The following C7orf78 variants were observed in gnomAD, a reference collection of about 807,000 sequenced individuals.
C7orf78 encodes chromosome 7 open reading frame 78.
the C7orf78 span, among the ~76,000 whole-genome samples, chr7:12,518,121 T>A: frequency 6.6e-6 from 1 of 152,186 alleles, no homozygotes; most frequent in African/African-American, 2.4e-5. Flanking sequence ...TCTATATGAT[T>A]TCTTTGCCTA....
chr7:12,537,216 G>A, the C7orf78 span, among the ~76,000 whole-genome samples: 1 of 152,180 alleles, frequency 6.6e-6, no homozygotes, highest in African/African-American at 2.4e-5. Context: ...TGGCTGGAGA[G>A]GCCTCACAGT....
At chr7:12,500,407 A>C in the C7orf78 span, among the ~76,000 whole-genome samples, 2 of 146,798 alleles carry the variant, frequency 1.4e-5, no homozygotes, top group African/African-American at 2.5e-5. Context: ...TATAACCACC[A>C]ATCCCACAGA....
At chr7:12,506,921 C>A in the C7orf78 span, 2 of 483,840 alleles carry the variant, frequency 4.1e-6, no homozygotes, top group Non-Finnish European at 8.4e-6. Context: ...GAAGGAGATT[C>A]CACAGTCACA....
At chr7:12,493,661 G>C in the C7orf78 span, among the ~76,000 whole-genome samples, 3 of 152,212 alleles carry the variant, frequency 2.0e-5, no homozygotes, top group Non-Finnish European at 4.4e-5. Context: ...TTTGCCTCCT[G>C]ACCCAGCTGC....
At chr7:12,510,254 G>C in the C7orf78 span, among the ~76,000 whole-genome samples, 1 of 151,888 alleles carries the variant, frequency 6.6e-6, no homozygotes, top group African/African-American at 2.4e-5. Context: ...CAGGATCATG[G>C]CTCACTGCAG....
the C7orf78 span, among the ~76,000 whole-genome samples, chr7:12,540,670 G>A: frequency 3.3e-5 from 5 of 152,132 alleles, no homozygotes; most frequent in African/African-American, 9.7e-5. Flanking sequence ...AAATTTGACC[G>A]TTTGGCCAAC....
At chr7:12,498,331 T>G in the C7orf78 span, among the ~76,000 whole-genome samples, 162 of 151,406 alleles carry the variant, frequency 1.1e-3, 1 homozygote, top group East Asian at 0.024. Flanking sequence ...AGTTGAAAAC[T>G]TTGAAAAAAA....
chr7:12,508,153 G>C, the C7orf78 span, among the ~76,000 whole-genome samples: 4 of 152,140 alleles, frequency 2.6e-5, no homozygotes, highest in African/African-American at 9.7e-5. Context: ...GTTAATTTTT[G>C]AGGGTCATTT....
chr7:12,507,009 A>G, the C7orf78 span: 8 of 451,390 alleles, frequency 1.8e-5, no homozygotes, highest in Non-Finnish European at 3.1e-5. Context: ...GGGCCAAAAA[A>G]AAGCTAGAAA....
chr7:12,485,896 T>A, the C7orf78 span, among the ~76,000 whole-genome samples: 5 of 151,912 alleles, frequency 3.3e-5, no homozygotes, highest in Non-Finnish European at 7.4e-5. Flanking sequence ...TTGGAAGGAG[T>A]TGAGAATGGG....
chr7:12,516,927 G>A, the C7orf78 span, among the ~76,000 whole-genome samples: 173 of 152,266 alleles, frequency 1.1e-3, no homozygotes, highest in African/African-American at 4.0e-3. Flanking sequence ...GAGTTGCCTT[G>A]TCTCAGATGA....
At chr7:12,521,389 C>A in the C7orf78 span, among the ~76,000 whole-genome samples, 300 of 151,790 alleles carry the variant, frequency 2.0e-3, no homozygotes, top group African/African-American at 6.9e-3. Flanking sequence ...TATCTACTGT[C>A]ATTTTTTTCT....
At chr7:12,501,078 T>A in the C7orf78 span, among the ~76,000 whole-genome samples, 3 of 150,022 alleles carry the variant, frequency 2.0e-5, no homozygotes, top group Admixed American at 2.0e-4. Flanking sequence ...ATGGGACATA[T>A]TTCAAAATAA....
At chr7:12,500,512 C>A in the C7orf78 span, among the ~76,000 whole-genome samples, 2 of 150,012 alleles carry the variant, frequency 1.3e-5, no homozygotes, top group Non-Finnish European at 3.0e-5. Context: ...CACATACACT[C>A]TCCCAAGACT....
At chr7:12,496,127 G>A in the C7orf78 span, among the ~76,000 whole-genome samples, 1 of 151,992 alleles carries the variant, frequency 6.6e-6, no homozygotes, top group Admixed American at 6.6e-5. Flanking sequence ...GGGTTTCACC[G>A]TGTTAGCCAG....
At chr7:12,518,299 A>G in the C7orf78 span, among the ~76,000 whole-genome samples, 15,814 of 152,140 alleles carry the variant, frequency 0.1, 1,110 homozygotes, top group Non-Finnish European at 0.15. Context: ...TGGGTGGTGT[A>G]TGCTGGCACT....
the C7orf78 span, among the ~76,000 whole-genome samples, chr7:12,539,583 G>T: frequency 6.6e-6 from 1 of 152,172 alleles, no homozygotes; most frequent in African/African-American, 2.4e-5. Context: ...GCCCCATAGG[G>T]ATAGAACTTC....
the C7orf78 span, among the ~76,000 whole-genome samples, chr7:12,531,327 G>A: frequency 6.6e-6 from 1 of 152,108 alleles, no homozygotes; most frequent in Non-Finnish European, 1.5e-5. Context: ...TTTCCTACGT[G>A]CATAATCACC....
the C7orf78 span, among the ~76,000 whole-genome samples, chr7:12,533,158 C>T: frequency 6.6e-6 from 1 of 152,118 alleles, no homozygotes; most frequent in African/African-American, 2.4e-5. Flanking sequence ...AAGAAAATGG[C>T]ATGGTAGTCC....
Sources: gnomAD v4.1 joint callset for allele counts (sites outside exome capture counted in the v4.1 genomes callset) on GRCh38, gnomAD v4.1.1 for gene constraint, MANE v1.5 for transcripts, NCBI Gene and HGNC (gene_info 2026-07-23, HGNC 2026-07-21) for gene names.